Variants in DMRT1 observed in about 807,000 individuals in gnomAD.
The protein encoded by DMRT1 is doublesex- and mab-3-related transcription factor 1.
In DMRT1, 7 loss-of-function variants were observed where a neutral mutation model predicts 32.3. The observed-to-expected ratio is 0.22, with a 90% CI of 0.12 to 0.41. DMRT1 has a LOEUF of 0.41. DMRT1 is among the 10% of genes least tolerant of loss of function. The probability of loss-of-function intolerance (pLI) is 1.00; values close to 1 mark genes in which losing one functional copy is unlikely to be tolerated. For missense variants in DMRT1, 625 were observed against 500.5 expected (o/e 1.25, Z -2.37); for synonymous variants, 278 against 206.1 (o/e 1.35, Z -2.99).
chr9:967,245 C>T (rs1273404575), intron 4 of DMRT1, among the ~76,000 whole-genome samples: 1 of 152,170 alleles, frequency 6.6e-6, no homozygotes, highest in Non-Finnish European at 1.5e-5. Flanking sequence ...TCTACTGTGG[C>T]TGCTAAGGTT....
At chr9:892,439 T>G (rs1365211049) in intron 2 of DMRT1, among the ~76,000 whole-genome samples, 1 of 152,070 alleles carries the variant, frequency 6.6e-6, no homozygotes, top group Non-Finnish European at 1.5e-5. Flanking sequence ...CCCTCTGCTC[T>G]ACACACCCAG....
chr9:910,283 A>C (rs1419037061), intron 3 of DMRT1, among the ~76,000 whole-genome samples: 1 of 152,130 alleles, frequency 6.6e-6, no homozygotes. Flanking sequence ...GCATCATCTG[A>C]TATAAGTTCA....
intron 2 of DMRT1, among the ~76,000 whole-genome samples, chr9:874,039 G>T (rs1264762756): frequency 6.6e-6 from 1 of 152,188 alleles, no homozygotes; most frequent in Non-Finnish European, 1.5e-5. Flanking sequence ...TTTCTCTTAA[G>T]ATTAAACGAG....
intron 2 of DMRT1, among the ~76,000 whole-genome samples, chr9:871,585 C>G (rs575064040): frequency 4.5e-4 from 66 of 146,676 alleles, no homozygotes; most frequent in Admixed American, 2.8e-3. Context: ...TCGTGATCCG[C>G]CCGCCTCTGC....
intron 4 of DMRT1, among the ~76,000 whole-genome samples, chr9:927,599 T>G (rs1349419826): frequency 1.3e-5 from 2 of 152,332 alleles, no homozygotes; most frequent in East Asian, 3.9e-4. Flanking sequence ...GAAAGTTAGC[T>G]TTATATGTAT....
intron 4 of DMRT1, among the ~76,000 whole-genome samples, chr9:955,766 A>G (rs1819580758): frequency 6.6e-6 from 1 of 152,358 alleles, no homozygotes; most frequent in East Asian, 1.9e-4. Context: ...GCTGTCATTT[A>G]AAAAATAATC....
At chr9:883,864 G>T (rs561965163) in intron 2 of DMRT1, among the ~76,000 whole-genome samples, 2 of 151,950 alleles carry the variant, frequency 1.3e-5, no homozygotes, top group East Asian at 3.9e-4. Flanking sequence ...CAAAGTATTA[G>T]TTGGTGATGG....
At chr9:937,635 T>C (rs547752703) in intron 4 of DMRT1, among the ~76,000 whole-genome samples, 1 of 152,346 alleles carries the variant, frequency 6.6e-6, no homozygotes, top group South Asian at 2.1e-4. Context: ...TCTTGGCCAT[T>C]TATGTATCGT....
chr9:930,511 A>G (rs1012313599), intron 4 of DMRT1, among the ~76,000 whole-genome samples: 8 of 151,704 alleles, frequency 5.3e-5, no homozygotes, highest in Non-Finnish European at 1.2e-4. Context: ...TCTCGGGTTC[A>G]TGCCATTCTG....
intron 4 of DMRT1, among the ~76,000 whole-genome samples, chr9:938,588 G>A (rs1192804874): frequency 6.6e-6 from 1 of 152,042 alleles, no homozygotes; most frequent in East Asian, 1.9e-4. Context: ...ACTGATTTTT[G>A]TGTGTTGATT....
intron 2 of DMRT1, among the ~76,000 whole-genome samples, chr9:872,569 T>C (rs138183805): frequency 8.6e-4 from 131 of 152,346 alleles, no homozygotes; most frequent in African/African-American, 2.9e-3. Context: ...GTAAATGGAA[T>C]CATACACTGT....
At chr9:949,080 G>A (rs1819343955) in intron 4 of DMRT1, among the ~76,000 whole-genome samples, 1 of 151,868 alleles carries the variant, frequency 6.6e-6, no homozygotes, top group South Asian at 2.1e-4. Flanking sequence ...GCAACAGAGT[G>A]AGACTCCATC....
At chr9:915,878 G>A (rs926128226) in intron 3 of DMRT1, among the ~76,000 whole-genome samples, 1 of 151,998 alleles carries the variant, frequency 6.6e-6, no homozygotes, top group Admixed American at 6.6e-5. Flanking sequence ...GACCACAGGT[G>A]CCCGCCACCA....
intron 4 of DMRT1, among the ~76,000 whole-genome samples, chr9:956,018 C>T (rs779536869): frequency 4.6e-5 from 7 of 152,102 alleles, no homozygotes; most frequent in South Asian, 2.1e-4. Flanking sequence ...GTGGATGCAA[C>T]GCAAATGACC....
chr9:861,809 G>T (rs1002520174), intron 2 of DMRT1, among the ~76,000 whole-genome samples: 3 of 148,896 alleles, frequency 2.0e-5, no homozygotes, highest in African/African-American at 7.5e-5. Flanking sequence ...GCCGGGCGGG[G>T]GGGGGCTCCT....
chr9:952,911 C>CT (rs1316514601), intron 4 of DMRT1, among the ~76,000 whole-genome samples: 2 of 152,082 alleles, frequency 1.3e-5, no homozygotes, highest in Non-Finnish European at 2.9e-5. Context: ...AATTTATATT[C>CT]TTTTTTTGTT....
At position 891,178 on chromosome 9, in the gene DMRT1, C is replaced by T. The variant is rs1260706298; in HGVS notation, c.539-2734C>T. Among the ~76,000 whole-genome samples the T allele has an allele frequency of 2.1e-5, 3 of 142,604 alleles. No individual in the cohort carries two copies. In the Admixed American group the frequency reaches 2.2e-4, roughly 10 times the overall value. 93.6% of individuals were successfully genotyped at this position (142,604 alleles called of 152,430 possible). A position where few individuals can be genotyped will look rare whatever the true frequency, so the allele number is the denominator to read the frequency against. ...AACATAGTGAGACCCCATCTCTATACAAAAAAATTAAAAAAAAAAAAAGCT... is the reference window on the plus strand; with the variant it reads ...AACATAGTGAGACCCCATCTCTATATAAAAAAATTAAAAAAAAAAAAAGCT... On this transcript the variant is annotated intron_variant, in intron 2 of 4. Coordinates refer to ENST00000382276, the MANE Select transcript of DMRT1 (RefSeq NM_021951.3).
At position 968,070 on chromosome 9, in the gene DMRT1, G is replaced by A. The variant is rs1367396341; in HGVS notation, c.1053G>A (p.Val351=). ...SPISNKSTKA[V]LECEPASEPS... is the part of the protein sequence containing the mutation. ...TTAGTAACAAGAGCACAAAGGCAGT[G>A]CTTGAATGTGAGCCTGCGTCGGAGC... Residue 351 remains valine (V), a synonymous_variant, in exon 5 of 5, where the codon GTG becomes GTA. Transcript: ENST00000382276. 7 of 1,614,026 alleles carry A rather than the reference G, an allele frequency of 4.3e-6. No individual in the cohort carries two copies. Among genetic ancestry groups the A allele is most frequent in the African/African-American group, 1.3e-5 (1 of 74,906 alleles).
chr9:875,496 G>C (rs537693788), intron 2 of DMRT1, among the ~76,000 whole-genome samples: 1 of 152,230 alleles, frequency 6.6e-6, no homozygotes, highest in East Asian at 1.9e-4. Flanking sequence ...GACCTTGTGA[G>C]GTAAAATTTC....
Sources: gnomAD v4.1 joint callset for allele counts (sites outside exome capture counted in the v4.1 genomes callset) on GRCh38, gnomAD v4.1.1 for gene constraint, MANE v1.5 for transcripts, NCBI Gene and HGNC (gene_info 2026-07-23, HGNC 2026-07-21) for gene names.